The following PTCD3 variants were observed in gnomAD, a reference collection of about 807,000 sequenced individuals.
PTCD3 encodes small ribosomal subunit protein mS39.
A neutral mutation model predicts 101.9 loss-of-function variants in PTCD3; 89 were observed. The observed-to-expected ratio is 0.87, with a 90% CI of 0.74 to 1.04. The LOEUF is 1.04. Ranked by LOEUF, PTCD3 falls within the 50% of genes least tolerant of loss-of-function variation. The pLI is 0.00. For synonymous variants in PTCD3, 296 were observed against 278.5 expected (o/e 1.06, Z -0.63); for missense variants, 870 against 828.2 (o/e 1.05, Z -0.62).
chr2:86,132,031 A>AT (rs1674501949), intron 16 of PTCD3, among the ~76,000 whole-genome samples: 1 of 152,098 alleles, frequency 6.6e-6, no homozygotes, highest in African/African-American at 2.4e-5. Context: ...TTTCATGGAG[A>AT]TTTTTACTAG....
chr2:86,118,122 A>G (rs1291763690), intron 6 of PTCD3, among the ~76,000 whole-genome samples: 1 of 151,874 alleles, frequency 6.6e-6, no homozygotes, highest in Non-Finnish European at 1.5e-5. Context: ...TTTTATGCTC[A>G]TTTTCTCTTT....
Position 86,141,288 on chromosome 2 carries a change from A to C in PTCD3, c.*3729A>C, listed in dbSNP as rs775524322. ...AAGCTCCCTGCCAACCTCTGGATAC[A>C]TCAATGGGAAGGAAACCAGGGAAGC... is the stretch of plus-strand genomic sequence containing the variant. On this transcript the variant is annotated 3_prime_UTR_variant, in exon 24 of 24. Transcript: ENST00000254630. The C allele has an allele frequency of 1.3e-5, 2 of 152,232 alleles. No individual in the cohort carries two copies. The highest frequency in any genetic ancestry group is 2.9e-5 in the Non-Finnish European group (2 of 68,050). 9.4% of individuals were successfully genotyped at this position (152,232 alleles called of 1,614,324 possible).
Position 86,119,036 on chromosome 2 carries a change from T to C in PTCD3, c.530T>C (p.Leu177Ser), listed in dbSNP as rs1674233250. ...TCTGTGGACATGTTTGATCAGCTTT[T>C]GCAAGCAGGTGACTGAGTTCGATTA... ...KASVDMFDQL[L>S]QAGTTVSLET... Residue 177 changes from leucine to serine, a missense_variant, in exon 7 of 24, where the codon TTG (leucine) becomes TCG (serine). Leu to Ser is a moderately radical substitution (Grantham distance 145). Coordinates refer to ENST00000254630, the MANE Select transcript of PTCD3 (RefSeq NM_017952.6). The C allele has an allele frequency of 6.2e-7, 1 of 1,613,490 alleles. No individual in the cohort carries two copies. The highest frequency in any genetic ancestry group is 8.5e-7 in the Non-Finnish European group (1 of 1,179,926).
chr2:86,111,209 A>T (rs1228124651), intron 4 of PTCD3, 51 bp downstream of exon 4: 1 of 1,436,810 alleles, frequency 7.0e-7, no homozygotes, highest in Non-Finnish European at 9.8e-7. Flanking sequence ...CTAATAACAC[A>T]CTTTTTAACT....
At chr2:86,108,076 T>A (rs879690319) in intron 1 of PTCD3, among the ~76,000 whole-genome samples, 1 of 149,946 alleles carries the variant, frequency 6.7e-6, no homozygotes, top group Non-Finnish European at 1.5e-5. Flanking sequence ...CAGTGAGCTA[T>A]AATTGCACTA....
chr2:86,136,735 G>A lies in PTCD3; in HGVS notation c.1820+173G>A, dbSNP rs1056403510. 84 of 803,926 alleles carry A rather than the reference G, an allele frequency of 1.0e-4. No homozygotes were observed. The East Asian group carries it at 1.7e-3, about 16-fold the overall frequency. 49.8% of individuals were successfully genotyped at this position (803,926 alleles called of 1,614,324 possible). A position where few individuals can be genotyped will look rare whatever the true frequency, so the allele number is the denominator to read the frequency against. On this transcript the variant is annotated intron_variant, in intron 22 of 23. Transcript: ENST00000254630. ...CAAGCAGTTTTTTATCTGTGTTGAC[G>A]GATCATCATACATTGGGGCTACATT...
At chr2:86,137,393 G>A in intron 23 of PTCD3, 76 bp from the exon 24 acceptor site, 4 of 1,590,610 alleles carry the variant, frequency 2.5e-6, no homozygotes, top group Non-Finnish European at 3.4e-6. Context: ...CAGGCTATAG[G>A]TGAGTGTCAG....
intron 14 of PTCD3, 66 bp downstream of exon 14, chr2:86,128,057 A>G: frequency 7.8e-7 from 1 of 1,283,638 alleles, no homozygotes; most frequent in Non-Finnish European, 1.1e-6. Flanking sequence ...AGTTTATGTG[A>G]TTAATTGTTG....
intron 21 of PTCD3, chr2:86,135,984 A>C (rs777325379): frequency 9.6e-6 from 5 of 519,122 alleles, no homozygotes; most frequent in Non-Finnish European, 1.9e-5. Flanking sequence ...CTTACATGAG[A>C]CTGTTGCCTC....
At chr2:86,125,233 G>A (rs186286554) in intron 10 of PTCD3, 151 bp downstream of exon 10, 1 of 1,287,114 alleles carries the variant, frequency 7.8e-7, no homozygotes, top group African/African-American at 1.5e-5. Flanking sequence ...CTACCCACTG[G>A]ATGTGAGTAG....
At position 86,134,323 on chromosome 2, in the gene PTCD3, T is replaced by G; in HGVS notation, c.1575T>G (p.Ser525Arg). 6.2e-7 allele frequency: 1 copy of G among 1,613,478 alleles called. No homozygotes were observed. Among genetic ancestry groups the G allele is most frequent in the Non-Finnish European group, 8.5e-7 (1 of 1,179,400 alleles). Reference sequence around the variant, plus strand: ...AAGAATATGGTCATACTTTCCGCAGTGACCTGAGAGAAGAGATCCTGATGC... The same window carrying G: ...AAGAATATGGTCATACTTTCCGCAGGGACCTGAGAGAAGAGATCCTGATGC... ...DSKEYGHTFR[S>R]DLREEILMLM... The change falls in exon 20 of 24, where the codon AGT becomes AGG. Residue 525 changes from serine to arginine, a missense_variant. Coordinates refer to ENST00000254630, the MANE Select transcript of PTCD3 (RefSeq NM_017952.6).
At chr2:86,125,707 G>T (rs1674370671) in intron 11 of PTCD3, 88 bp from the exon 12 acceptor site, 1 of 1,084,412 alleles carries the variant, frequency 9.2e-7, no homozygotes, top group Non-Finnish European at 1.4e-6. Context: ...TTAGTCAAGG[G>T]ACACATAGGA....
chr2:86,109,198 G>A (rs1014557597), intron 3 of PTCD3, among the ~76,000 whole-genome samples: 1 of 152,182 alleles, frequency 6.6e-6, no homozygotes, highest in Non-Finnish European at 1.5e-5. Context: ...GAGGTCAGGA[G>A]ATTGAGACCA....
At chr2:86,121,793 T>C (rs2104454111) in intron 8 of PTCD3, among the ~76,000 whole-genome samples, 199 bp downstream of exon 8, 1 of 152,370 alleles carries the variant, frequency 6.6e-6, no homozygotes, top group South Asian at 2.1e-4. Flanking sequence ...TAGTTTACTT[T>C]TTAACAATAT....
chr2:86,136,958 TCAC>T, intron 22 of PTCD3, 21 bp from the exon 23 acceptor site: 1 of 1,612,226 alleles, frequency 6.2e-7, no homozygotes, highest in Non-Finnish European at 8.5e-7. Flanking sequence ...TGGAGAAAGT[TCAC>T]ACTTTGCCTT....
At chr2:86,121,280 C>T (rs1382427700) in intron 7 of PTCD3, among the ~76,000 whole-genome samples, 199 bp from the exon 8 acceptor site, 2 of 152,204 alleles carry the variant, frequency 1.3e-5, no homozygotes, top group Non-Finnish European at 2.9e-5. Context: ...CGTCAAATTA[C>T]ATGGTTAATA....
At chr2:86,134,247 G>A in intron 19 of PTCD3, 45 bp from the exon 20 acceptor site, 1 of 1,436,042 alleles carries the variant, frequency 7.0e-7, no homozygotes, top group Non-Finnish European at 9.7e-7. Context: ...AAGTGTGTTG[G>A]TTTTACATAA....
At chr2:86,116,008 A>G (rs2104450590) in intron 4 of PTCD3, among the ~76,000 whole-genome samples, 1 of 152,248 alleles carries the variant, frequency 6.6e-6, no homozygotes, top group South Asian at 2.1e-4. Context: ...AGCAAACTTA[A>G]ATATTAAAAT....
At chr2:86,137,444 ATCC>A in intron 23 of PTCD3, 22 bp from the exon 24 acceptor site, 3 of 1,613,356 alleles carry the variant, frequency 1.9e-6, no homozygotes, top group Non-Finnish European at 2.5e-6. Context: ...TTGCAGTGTA[ATCC>A]TCCATTTTCT....
Sources: allele counts gnomAD v4.1 joint callset (sites outside exome capture counted in the v4.1 genomes callset), GRCh38; gene constraint gnomAD v4.1.1; transcripts MANE v1.5; gene names NCBI Gene and HGNC (gene_info 2026-07-23, HGNC 2026-07-21).